IRAK3: variants seen among roughly 807,000 people sequenced by gnomAD.
The protein encoded by IRAK3 is interleukin-1 receptor-associated kinase 3.
IRAK3 carries 57 observed loss-of-function variants against 56.6 expected under a neutral mutation model. The ratio of observed to expected loss-of-function variants is 1.01; its 90% confidence interval spans 0.81 to 1.26. The LOEUF is 1.26. Among genes scored for constraint, IRAK3 ranks in the 50% most tolerant of loss-of-function variants. The pLI is 0.00. For missense variants in IRAK3, 703 were observed against 719.0 expected, an observed-to-expected ratio of 0.98 and a Z score of 0.25; for synonymous variants, 258 against 255.7, an observed-to-expected ratio of 1.01 and a Z score of -0.09.
At chr12:66,236,665 C>T (rs1272954073) in intron 8 of IRAK3, among the ~76,000 whole-genome samples, 1 of 152,136 alleles carries the variant, frequency 6.6e-6, no homozygotes, top group African/African-American at 2.4e-5. Context: ...CGCACTTGCA[C>T]ATTCGGAGCC....
At chr12:66,229,145 C>T (rs1169009895) in intron 8 of IRAK3, among the ~76,000 whole-genome samples, 1 of 152,156 alleles carries the variant, frequency 6.6e-6, no homozygotes, top group Non-Finnish European at 1.5e-5. Context: ...CCTTGAGTCT[C>T]CAGTGTCTTG....
intron 6 of IRAK3, among the ~76,000 whole-genome samples, chr12:66,221,056 T>C (rs2052728167): frequency 6.6e-6 from 1 of 152,260 alleles, no homozygotes; most frequent in African/African-American, 2.4e-5. Context: ...ATCAGTGTCC[T>C]ATAGTTGTTA....
intron 1 of IRAK3, among the ~76,000 whole-genome samples, chr12:66,192,060 C>T (rs2576183): frequency 0.21 from 32,238 of 152,088 alleles, 6,162 homozygotes; most frequent in African/African-American, 0.5. Context: ...ACTCCTAGAG[C>T]TGCTGATTCA....
chr12:66,232,453 C>T (rs1230895056), intron 8 of IRAK3, among the ~76,000 whole-genome samples: 2 of 152,160 alleles, frequency 1.3e-5, no homozygotes, highest in Admixed American at 1.3e-4. Context: ...CAGTAGATTT[C>T]CCCCTCGTGT....
rs1228373324 is a variant in IRAK3 at position 66,203,904 on chromosome 12, A to C, written c.316+11A>C. On this transcript the variant is annotated intron_variant, in intron 2 of 11. Transcript: ENST00000261233. Reference sequence around the variant, plus strand: ...TAATTACAAACTATGGTAAATGCTGATTCTTATAATGTGGCTCTTAATCTG... The same window carrying C: ...TAATTACAAACTATGGTAAATGCTGCTTCTTATAATGTGGCTCTTAATCTG... The C allele has an allele frequency of 6.2e-7, 1 of 1,606,988 alleles. No individual in the cohort carries two copies. Among genetic ancestry groups the C allele is most frequent in the South Asian group, 1.1e-5 (1 of 90,914 alleles).
In IRAK3 at chr12:66,254,620, A is replaced by T. The variant is rs748769787; in HGVS notation, c.*6449A>T. ...AAAAGAATAAAGTTTTTGAAAAAAA[A>T]AACAGTCATTTTCTACATTTCTACA... On this transcript the variant is annotated 3_prime_UTR_variant, in exon 12 of 12. Coordinates refer to ENST00000261233, the MANE Select transcript of IRAK3 (RefSeq NM_007199.3). The T allele has an allele frequency of 5.3e-5, 8 of 152,032 alleles. No individual in the cohort carries two copies. Among genetic ancestry groups the T allele is most frequent in the Non-Finnish European group, 1.0e-4 (7 of 67,958 alleles). The allele number at this position is 152,032 out of a possible 1,614,324, so 9.4% of individuals were successfully genotyped here.
rs1001211149 is a variant in IRAK3 at position 66,213,549 on chromosome 12, A to G, written c.588+1952A>G. Among the ~76,000 whole-genome samples the G allele has an allele frequency of 5.3e-5, 8 of 152,280 alleles. 1 individual carries two copies. In the East Asian group the frequency reaches 1.2e-3, roughly 22 times the overall value. ...TCTGATACTGTAATGGTGGATACAT[A>G]TTATCATATATTTGTCAAAACCCAT... On this transcript the variant is annotated intron_variant, in intron 5 of 11. Coordinates refer to ENST00000261233, the MANE Select transcript of IRAK3 (RefSeq NM_007199.3).
At chr12:66,242,013 A>T (rs1467605364) in intron 8 of IRAK3, among the ~76,000 whole-genome samples, 3 of 152,146 alleles carry the variant, frequency 2.0e-5, no homozygotes, top group Non-Finnish European at 4.4e-5. Flanking sequence ...TGTGTTTCAA[A>T]AATTCAGCTT....
intron 4 of IRAK3, 121 bp downstream of exon 4, chr12:66,210,322 A>G: frequency 1.5e-6 from 1 of 654,802 alleles, no homozygotes; most frequent in Non-Finnish European, 2.7e-6. Context: ...TCGGTATAAA[A>G]TTTCATAGAT....
At chr12:66,226,885 C>T in intron 7 of IRAK3, 48 bp downstream of exon 7, 1 of 1,131,572 alleles carries the variant, frequency 8.8e-7, no homozygotes, top group Non-Finnish European at 1.3e-6. Flanking sequence ...CCTTGAATCC[C>T]TGGGAGAGCT....
chr12:66,215,252 G>T (rs553499393), intron 5 of IRAK3, among the ~76,000 whole-genome samples: 1 of 152,198 alleles, frequency 6.6e-6, no homozygotes, highest in African/African-American at 2.4e-5. Context: ...CAAAGGGTCC[G>T]TCCAGTCTAC....
chr12:66,228,587 C>A (rs1161730958), intron 8 of IRAK3, among the ~76,000 whole-genome samples: 1 of 152,194 alleles, frequency 6.6e-6, no homozygotes, highest in Non-Finnish European at 1.5e-5. Context: ...AGAGAGTTTA[C>A]ATTATCTTTG....
chr12:66,238,608 A>G (rs1026371161), intron 8 of IRAK3, among the ~76,000 whole-genome samples: 1 of 152,182 alleles, frequency 6.6e-6, no homozygotes, highest in Non-Finnish European at 1.5e-5. Flanking sequence ...AGAAACTTGG[A>G]AATGCTGACA....
chr12:66,242,905 C>T (rs2052985851), intron 8 of IRAK3, among the ~76,000 whole-genome samples: 1 of 152,136 alleles, frequency 6.6e-6, no homozygotes, highest in Non-Finnish European at 1.5e-5. Context: ...GAAACTCCAT[C>T]TCTACTAAAA....
chr12:66,203,686 T>A, intron 1 of IRAK3, 25 bp from the exon 2 acceptor site: 1 of 1,602,648 alleles, frequency 6.2e-7, no homozygotes, highest in South Asian at 1.1e-5. Flanking sequence ...TAAACAATTC[T>A]TTGTTTATAT....
intron 6 of IRAK3, among the ~76,000 whole-genome samples, chr12:66,223,311 A>G (rs551557210): frequency 3.9e-5 from 6 of 152,210 alleles, no homozygotes; most frequent in East Asian, 1.9e-4. Flanking sequence ...AAGTTTATCA[A>G]TGTTTTCTTT....
chr12:66,250,288 T>C lies in IRAK3; in HGVS notation c.*2117T>C, dbSNP rs990256458. On this transcript the variant is annotated 3_prime_UTR_variant, in exon 12 of 12. Coordinates refer to ENST00000261233, the MANE Select transcript of IRAK3 (RefSeq NM_007199.3). The stretch of plus-strand genomic sequence containing the variant: ...AGGAATAGGCTCATGTCTTTTGTTT[T>C]ATTTTATTTTTTTGGTGAGTCAGTA... 1.3e-5 allele frequency: 2 copies of C among 152,220 alleles called. No homozygotes were observed. The highest frequency in any genetic ancestry group is 2.9e-5 in the Non-Finnish European group (2 of 68,040). 9.4% of individuals were successfully genotyped at this position (152,220 alleles called of 1,614,324 possible). A position where few individuals can be genotyped will look rare whatever the true frequency, so the allele number is the denominator to read the frequency against.
chr12:66,245,588 A>T (rs2053023097), intron 11 of IRAK3, among the ~76,000 whole-genome samples: 1 of 10,326 alleles, frequency 9.7e-5, no homozygotes, highest in Non-Finnish European at 3.8e-3. Context: ...CCCAGGCTGG[A>T]GTGCAGTGGC....
intron 1 of IRAK3, chr12:66,197,595 G>A (rs2052467132): frequency 2.0e-6 from 2 of 985,318 alleles, no homozygotes; most frequent in Non-Finnish European, 2.4e-6. Flanking sequence ...CAGTCCGGAA[G>A]CAATCCATGC....
Sources: allele counts gnomAD v4.1 joint callset (sites outside exome capture counted in the v4.1 genomes callset), GRCh38; gene constraint gnomAD v4.1.1; transcripts MANE v1.5; gene names NCBI Gene and HGNC (gene_info 2026-07-23, HGNC 2026-07-21).